Variants in ZFYVE9 observed in about 807,000 individuals in gnomAD.
ZFYVE9 encodes the protein zinc finger FYVE-type containing 9, also known as zinc finger FYVE domain-containing protein 9.
In ZFYVE9, 43 loss-of-function variants were observed where a neutral mutation model predicts 126.7. The observed-to-expected ratio is 0.34, with a 90% CI of 0.27 to 0.44. ZFYVE9 has a LOEUF of 0.44. Ranked by LOEUF, ZFYVE9 falls within the 20% of genes least tolerant of loss-of-function variation. ZFYVE9 has a pLI of 1.00. For missense variants in ZFYVE9, 1,476 were observed against 1,697.0 expected, an observed-to-expected ratio of 0.87 and a Z score of 2.29; for synonymous variants, 521 against 597.4, an observed-to-expected ratio of 0.87 and a Z score of 1.87.
At chr1:52,256,276 T>C (rs1205488373) in intron 4 of ZFYVE9, among the ~76,000 whole-genome samples, 1 of 149,538 alleles carries the variant, frequency 6.7e-6, no homozygotes, top group Non-Finnish European at 1.5e-5. Context: ...ACCATGTTGG[T>C]CAGGCTGGTC....
chr1:52,331,139 G>A (rs1646337493), intron 13 of ZFYVE9, among the ~76,000 whole-genome samples: 3 of 152,100 alleles, frequency 2.0e-5, no homozygotes, highest in Admixed American at 2.0e-4. Flanking sequence ...AAAGTGCTGG[G>A]ATTACAGGTG....
chr1:52,340,273 C>T, intron 17 of ZFYVE9, 42 bp downstream of exon 17: 1 of 1,497,524 alleles, frequency 6.7e-7, no homozygotes, highest in Non-Finnish European at 9.3e-7. Context: ...ACTTTGAGCA[C>T]AACTTTTTGC....
intron 7 of ZFYVE9, among the ~76,000 whole-genome samples, chr1:52,272,961 C>T (rs979930852): frequency 3.3e-5 from 5 of 151,904 alleles, no homozygotes; most frequent in Non-Finnish European, 7.4e-5. Flanking sequence ...TGTACCCGGC[C>T]GTATGAATAT....
intron 15 of ZFYVE9, among the ~76,000 whole-genome samples, chr1:52,336,216 A>G (rs1176435311): frequency 2.0e-5 from 3 of 152,082 alleles, no homozygotes; most frequent in Non-Finnish European, 4.4e-5. Context: ...ATATTTATAG[A>G]TACTAGCTTT....
chr1:52,293,335 C>T (rs1404412539), intron 10 of ZFYVE9, 118 bp from the exon 11 acceptor site: 37 of 834,206 alleles, frequency 4.4e-5, no homozygotes, highest in Admixed American at 2.3e-4. Context: ...GCCAAGATTG[C>T]GCCACTGCAC....
At chr1:52,153,663 C>G (rs1289609245) in intron 1 of ZFYVE9, among the ~76,000 whole-genome samples, 1 of 152,212 alleles carries the variant, frequency 6.6e-6, no homozygotes, top group Admixed American at 6.5e-5. Context: ...TTACTGCTTT[C>G]TAGTCCTTGG....
At chr1:52,233,079 A>G (rs534263915) in intron 2 of ZFYVE9, 92 bp from the exon 3 acceptor site, 1 of 459,746 alleles carries the variant, frequency 2.2e-6, no homozygotes, top group East Asian at 4.4e-5. Context: ...TTATCTGGAA[A>G]GATTTATAAG....
At chr1:52,232,899 A>T (rs771598419) in intron 2 of ZFYVE9, among the ~76,000 whole-genome samples, 4 of 152,098 alleles carry the variant, frequency 2.6e-5, no homozygotes, top group Non-Finnish European at 5.9e-5. Context: ...CCAAACAATG[A>T]TTCCTTTCCC....
intron 13 of ZFYVE9, among the ~76,000 whole-genome samples, chr1:52,309,876 A>T (rs907733140): frequency 1.2e-4 from 18 of 152,192 alleles, no homozygotes; most frequent in African/African-American, 3.9e-4. Flanking sequence ...GACGGCATGG[A>T]AATTTTAATA....
At position 52,318,782 on chromosome 1, in the gene ZFYVE9, C is replaced by T. The variant is rs138149590; in HGVS notation, c.3439-13986C>T. Among the ~76,000 whole-genome samples, 342 of 151,900 alleles carry T rather than the reference C, an allele frequency of 2.3e-3. 3 individuals are homozygous for T. The highest frequency in any genetic ancestry group is 1.5e-3 in the Non-Finnish European group (104 of 67,964). On this transcript the variant is annotated intron_variant, in intron 13 of 18. Transcript: ENST00000287727. Reference sequence around the variant, plus strand: ...AGTATTTTGGTATACTAGCAATGAACAATTGAATATAGAAATTTAATAACG... The same window carrying T: ...AGTATTTTGGTATACTAGCAATGAATAATTGAATATAGAAATTTAATAACG...
chr1:52,176,047 G>A (rs1054648256), intron 1 of ZFYVE9, among the ~76,000 whole-genome samples: 10 of 152,302 alleles, frequency 6.6e-5, no homozygotes, highest in Admixed American at 4.6e-4. Context: ...GAGGAACTGC[G>A]TTCCTTTGGA....
intron 1 of ZFYVE9, among the ~76,000 whole-genome samples, chr1:52,158,982 C>T (rs541975585): frequency 7.2e-5 from 11 of 151,904 alleles, no homozygotes; most frequent in East Asian, 3.9e-4. Context: ...TTAGTAGAGA[C>T]GGGGTTTCAC....
At chr1:52,296,006 C>G (rs756289768) in intron 12 of ZFYVE9, 29 bp downstream of exon 12, 6 of 1,590,530 alleles carry the variant, frequency 3.8e-6, no homozygotes, top group African/African-American at 1.4e-5. Context: ...TTCCTTTGTC[C>G]TTACTGGAGT....
At chr1:52,213,630 G>A (rs953793713) in intron 1 of ZFYVE9, among the ~76,000 whole-genome samples, 5 of 151,752 alleles carry the variant, frequency 3.3e-5, no homozygotes, top group East Asian at 1.9e-4. Flanking sequence ...CCAGCCTGGC[G>A]ACAGAGCAAG....
In ZFYVE9 at chr1:52,169,985, A is replaced by G. The variant is rs187553382; in HGVS notation, c.-143+27582A>G. Among the ~76,000 whole-genome samples, 200 of 152,348 alleles carry G rather than the reference A, an allele frequency of 1.3e-3. 1 individual carries two copies. The highest frequency in any genetic ancestry group is 0.012 in the Admixed American group (182 of 15,296). On this transcript the variant is annotated intron_variant, in intron 1 of 18. Transcript: ENST00000287727. ...TGATGTAACAGTTACATACGTTGGA[A>G]CAGCCAAGAATTCGTTTTGACCTTT...
intron 4 of ZFYVE9, among the ~76,000 whole-genome samples, chr1:52,259,067 A>T (rs1645552239): frequency 6.6e-6 from 1 of 152,160 alleles, no homozygotes; most frequent in African/African-American, 2.4e-5. Context: ...CACAGTTATT[A>T]GAAGTCTGAA....
chr1:52,156,413 A>T (rs1644403815), intron 1 of ZFYVE9, among the ~76,000 whole-genome samples: 1 of 152,154 alleles, frequency 6.6e-6, no homozygotes, highest in Non-Finnish European at 1.5e-5. Flanking sequence ...GAGATCCTTA[A>T]AGGTGACACT....
chr1:52,256,027 TTCTG>T (rs766205279), intron 4 of ZFYVE9, among the ~76,000 whole-genome samples: 20 of 122,726 alleles, frequency 1.6e-4, no homozygotes, highest in East Asian at 7.7e-4. Context: ...CTTTCTTTCT[TTCTG>T]TCTTTCTTTC....
At chr1:52,146,571 A>T (rs914396044) in intron 1 of ZFYVE9, among the ~76,000 whole-genome samples, 5 of 152,118 alleles carry the variant, frequency 3.3e-5, no homozygotes, top group African/African-American at 9.7e-5. Context: ...ACCTTACAGG[A>T]TTATTGTAAG....
Sources: allele counts gnomAD v4.1 joint callset (sites outside exome capture counted in the v4.1 genomes callset), GRCh38; gene constraint gnomAD v4.1.1; transcripts MANE v1.5; gene names NCBI Gene and HGNC (gene_info 2026-07-23, HGNC 2026-07-21).